The following NLRP3 variants were observed in gnomAD, a reference collection of about 807,000 sequenced individuals.
NLRP3 encodes NACHT, LRR and PYD domains-containing protein 3.
In NLRP3, 48 loss-of-function variants were observed where a neutral mutation model predicts 91.3. The ratio of observed to expected loss-of-function variants is 0.53; its 90% CI spans 0.42 to 0.67. The LOEUF (loss-of-function observed/expected upper bound fraction) is 0.67. NLRP3 is among the 30% of genes least tolerant of loss of function. The pLI is 0.00. For synonymous variants in NLRP3, 561 were observed against 507.9 expected (o/e 1.10, Z -1.41); for missense variants, 982 against 1,276.9 (o/e 0.77, Z 3.52).
chr1:247,443,292 C>T (rs996260629), intron 7 of NLRP3, among the ~76,000 whole-genome samples: 1 of 152,112 alleles, frequency 6.6e-6, no homozygotes, highest in Non-Finnish European at 1.5e-5. Flanking sequence ...TGTGGCAGCG[C>T]AATCATGGCT....
chr1:247,423,285 T>A lies in NLRP3; in HGVS notation c.333T>A (p.Ile111=), dbSNP rs1405496005. 3 of 1,614,108 alleles carry A rather than the reference T, an allele frequency of 1.9e-6. No homozygotes were observed. The South Asian group carries it at 3.3e-5, about 18-fold the overall frequency. Residue 111 remains isoleucine (I), a synonymous_variant, in exon 3 of 10, where the codon ATT becomes ATA. Coordinates refer to ENST00000336119, the MANE Select transcript of NLRP3 (RefSeq NM_001243133.2). ...CTGTGATATGCCAGGAAGACAGCAT[T>A]GAAGAGGAGTGGATGGGTTTACTGG... The part of the protein sequence containing the change: ...NPTVICQEDS[I]EEEWMGLLEY...
intron 4 of NLRP3, among the ~76,000 whole-genome samples, 199 bp from the exon 5 acceptor site, chr1:247,429,386 G>T (rs892814435): frequency 3.3e-5 from 5 of 152,160 alleles, no homozygotes; most frequent in Admixed American, 1.3e-4. Context: ...CTCTCCGTCC[G>T]AGAGGAGGCA....
In NLRP3 at chr1:247,424,551, A is replaced by G. The variant is rs200735245; in HGVS notation, c.1102A>G (p.Ile368Val). ...GCTGGACCATCCTCGGCATGTGGAG[A>G]TCCTGGGTTTCTCCGAGGCCAAAAG... ...HLLDHPRHVE[I>V]LGFSEAKRKE... is the part of the protein sequence containing the mutation. The change falls in exon 4 of 10, where the codon ATC becomes GTC. Residue 368 changes from isoleucine to valine, a missense_variant. Ile to Val is a conservative substitution (Grantham distance 29). Coordinates refer to ENST00000336119, the MANE Select transcript of NLRP3 (RefSeq NM_001243133.2). This position sits in a 1 kb window ranked among gnomAD's most constrained non-coding sequence, Gnocchi z 8.1. 1.2e-6 allele frequency: 2 copies of G among 1,614,166 alleles called. No individual in the cohort carries two copies. The highest frequency in any genetic ancestry group is 1.1e-5 in the South Asian group (1 of 91,084).
intron 4 of NLRP3, among the ~76,000 whole-genome samples, chr1:247,426,052 C>T (rs1662855338): frequency 2.0e-5 from 3 of 152,086 alleles, no homozygotes. Context: ...ATCTAAGCCT[C>T]CTTTAAGGAA....
At chr1:247,423,516 T>C (rs1662622690) in intron 3 of NLRP3, among the ~76,000 whole-genome samples, 167 bp downstream of exon 3, 1 of 152,138 alleles carries the variant, frequency 6.6e-6, no homozygotes, top group Non-Finnish European at 1.5e-5. Flanking sequence ...AATTCATGTT[T>C]GTGTGGCTCT....
Position 247,434,695 on chromosome 1 carries a change from T to G in NLRP3, c.2492+422T>G, listed in dbSNP as rs535721865. ...CTGAGTGCTTCTGGGAGACTTGCATTTTGAAGGAGAGAAAAAACCACTTAA... is the reference window on the plus strand; with the variant it reads ...CTGAGTGCTTCTGGGAGACTTGCATGTTGAAGGAGAGAAAAAACCACTTAA... On this transcript the variant is annotated intron_variant, in intron 6 of 9. Coordinates refer to ENST00000336119, the MANE Select transcript of NLRP3 (RefSeq NM_001243133.2). Among the ~76,000 whole-genome samples, 42 of 152,182 alleles carry G rather than the reference T, an allele frequency of 2.8e-4. No individual in the cohort carries two copies. In the South Asian group the frequency reaches 8.7e-3, roughly 32 times the overall value.
intron 9 of NLRP3, among the ~76,000 whole-genome samples, chr1:247,447,738 C>T (rs1664678413): frequency 6.6e-6 from 1 of 151,990 alleles, no homozygotes; most frequent in Non-Finnish European, 1.5e-5. Context: ...TATTGTTAAA[C>T]GATTTTGGTG....
Position 247,423,849 on chromosome 1 carries a change from T to G in NLRP3, c.400T>G (p.Tyr134Asp). 1 of 1,613,634 alleles carries G rather than the reference T, an allele frequency of 6.2e-7. No homozygotes were observed. The highest frequency in any genetic ancestry group is 8.5e-7 in the Non-Finnish European group (1 of 1,179,874). The change falls in exon 4 of 10, where the codon TAC becomes GAC. Residue 134 changes from tyrosine to aspartate, a missense_variant and splice_region_variant. Around this residue, in one of 5 missense-constraint regions of NLRP3, gnomAD observed 548 missense variants for 713.7 expected, o/e 0.77. Transcript: ENST00000336119. ...RISICKMKKDYRKKYRKYVRS... is the reference protein window; with the variant it reads ...RISICKMKKDDRKKYRKYVRS... ...CTAACTTCCTGTCTTTGCCGTAGAT[T>G]ACCGTAAGAAGTACAGAAAGTACGT...
At position 247,444,092 on chromosome 1, in the gene NLRP3, A is replaced by C. The variant is rs876660975; in HGVS notation, c.2784A>C (p.Lys928Asn). ...RGNTLGDKGI[K>N]LLCEGLLHPD... The stretch of plus-strand genomic sequence containing the variant: ...ACACTCTCGGAGACAAGGGGATCAA[A>C]CTACTCTGTGAGGGACTCTTGCACC... The change falls in exon 8 of 10, where the codon AAA (lysine) becomes AAC (asparagine). Residue 928 changes from lysine (K) to asparagine (N), a missense_variant. Lys to Asn is a moderately conservative substitution (Grantham distance 94, BLOSUM62 0). This residue lies in a region of NLRP3 where 373 missense variants were observed against 431.5 expected (regional missense o/e 0.86). Coordinates refer to ENST00000336119, the MANE Select transcript of NLRP3 (RefSeq NM_001243133.2). 1.2e-5 allele frequency: 19 copies of C among 1,614,086 alleles called. No homozygotes were observed. Among genetic ancestry groups the C allele is most frequent in the Non-Finnish European group, 1.5e-5 (18 of 1,180,046 alleles).
At chr1:247,443,577 GC>G (rs1201180938) in intron 7 of NLRP3, among the ~76,000 whole-genome samples, 9 of 60,810 alleles carry the variant, frequency 1.5e-4, no homozygotes, top group African/African-American at 3.2e-4. Context: ...AAAAAAAAAG[GC>G]CCCTGCAGTG....
Position 247,442,223 on chromosome 1 carries a change from C to T in NLRP3, c.2664-1749C>T, listed in dbSNP as rs78808197. Among the ~76,000 whole-genome samples the T allele has an allele frequency of 3.9e-3, 597 of 152,316 alleles. 2 individuals carry two copies. The highest frequency in any genetic ancestry group is 0.014 in the African/African-American group (578 of 41,568). On this transcript the variant is annotated intron_variant, in intron 7 of 9. Transcript: ENST00000336119. ...ATAGAAACCAGTGGATGGATAATCA[C>T]TTTTTCCTGCTGGTCATCTGTTCAT...
In NLRP3 at chr1:247,444,631, A is replaced by C; in HGVS notation, c.2835-20A>C. The C allele has an allele frequency of 1.2e-6, 2 of 1,613,588 alleles. No homozygotes were observed. Among genetic ancestry groups the C allele is most frequent in the Non-Finnish European group, 1.7e-6 (2 of 1,179,810 alleles). ...GGATGGTTAAGGGGACATTTTCTTTAAATCACCCCCTTTTTGCAGATTAGA... is the reference window on the plus strand; with the variant it reads ...GGATGGTTAAGGGGACATTTTCTTTCAATCACCCCCTTTTTGCAGATTAGA... On this transcript the variant is annotated intron_variant, in intron 8 of 9. Coordinates refer to ENST00000336119, the MANE Select transcript of NLRP3 (RefSeq NM_001243133.2).
rs771315000 is a variant in NLRP3 at position 247,448,436 on chromosome 1, A to G, written c.3037A>G (p.Lys1013Glu). Reference protein sequence around the residue: ...LSEMYFNYETKSALETLQEEK... With the variant: ...LSEMYFNYETESALETLQEEK... ...TGAAATGTATTTCAATTATGAGACA[A>G]AAAGTGCGTTAGAAACACTTCAAGA... is the stretch of plus-strand genomic sequence containing the variant. The change falls in exon 10 of 10, where the codon AAA (lysine) becomes GAA (glutamate). Residue 1013 changes from lysine (K) to glutamate (E), a missense_variant. Coordinates refer to ENST00000336119, the MANE Select transcript of NLRP3 (RefSeq NM_001243133.2). 61 of 1,613,070 alleles carry G rather than the reference A, an allele frequency of 3.8e-5. No homozygotes were observed. The highest frequency in any genetic ancestry group is 5.0e-5 in the Non-Finnish European group (59 of 1,179,194).
chr1:247,429,794 C>A, intron 5 of NLRP3, 39 bp downstream of exon 5: 1 of 1,606,400 alleles, frequency 6.2e-7, no homozygotes. Context: ...AGTGCAAGTT[C>A]ATATGAGAGA....
At chr1:247,441,825 C>T (rs74154644) in intron 7 of NLRP3, among the ~76,000 whole-genome samples, 16,448 of 152,228 alleles carry the variant, frequency 0.11, 959 homozygotes, top group African/African-American at 0.15. Context: ...AAAACTGCAC[C>T]GTCTGTTGCA....
chr1:247,435,594 T>C (rs1346388710), intron 6 of NLRP3, among the ~76,000 whole-genome samples: 1 of 152,150 alleles, frequency 6.6e-6, no homozygotes, highest in Non-Finnish European at 1.5e-5. Context: ...TTAATGGTTA[T>C]GGAGTTTCAG....
Position 247,448,582 on chromosome 1 carries a change from T to C in NLRP3, c.*78T>C, listed in dbSNP as rs1664754257. On this transcript the variant is annotated 3_prime_UTR_variant, in exon 10 of 10. Transcript: ENST00000336119. ...GGCCCTCAGGTGGAGAGAGCTGCGA[T>C]CCATCCAGGCCAAGACCACAGCTCT... 2 of 871,094 alleles carry C rather than the reference T, an allele frequency of 2.3e-6. No homozygotes were observed. Among genetic ancestry groups the C allele is most frequent in the East Asian group, 4.9e-5 (2 of 41,134 alleles). 54.0% of individuals were successfully genotyped at this position (871,094 alleles called of 1,614,324 possible).
intron 5 of NLRP3, among the ~76,000 whole-genome samples, chr1:247,432,802 G>A (rs1009112937): frequency 6.6e-6 from 1 of 152,112 alleles, no homozygotes; most frequent in Non-Finnish European, 1.5e-5. Flanking sequence ...CCATGACAGG[G>A]ATAAAGTATA....
In NLRP3 at chr1:247,425,733, C is replaced by A; in HGVS notation, c.2150+134C>A. The A allele has an allele frequency of 1.3e-6, 1 of 781,918 alleles. No individual in the cohort carries two copies. The highest frequency in any genetic ancestry group is 2.2e-6 in the Non-Finnish European group (1 of 463,444). The allele number at this position is 781,918 out of a possible 1,614,324, so 48.4% of individuals were successfully genotyped here. On this transcript the variant is annotated intron_variant, in intron 4 of 9. Coordinates refer to ENST00000336119, the MANE Select transcript of NLRP3 (RefSeq NM_001243133.2). The surrounding 1 kb of genome is among the most constrained non-coding windows in gnomAD (Gnocchi z 4.1). ...AGCTACATCATAATGCCACCACTGT[C>A]TGTTTGAGACTCCTTCATGAGCAAA...
Sources: allele counts gnomAD v4.1 joint callset (sites outside exome capture counted in the v4.1 genomes callset), GRCh38; gene constraint gnomAD v4.1.1; regional missense constraint gnomAD v4.1.1; non-coding constraint Gnocchi (gnomAD v3.1); transcripts MANE v1.5; gene names NCBI Gene and HGNC (gene_info 2026-07-23, HGNC 2026-07-21).